CHRNA7: variants seen among roughly 807,000 people sequenced by gnomAD.
CHRNA7 encodes the protein neuronal acetylcholine receptor subunit alpha-7.
In CHRNA7, 17 loss-of-function variants were observed where a neutral mutation model predicts 48.0. The observed-to-expected ratio is 0.35, with a 90% CI of 0.24 to 0.53. The LOEUF (loss-of-function observed/expected upper bound fraction) is 0.53. Ranked by LOEUF, CHRNA7 falls within the 20% of genes least tolerant of loss-of-function variation. The pLI is 0.92. For synonymous variants in CHRNA7, 75 were observed against 242.3 expected (o/e 0.31, Z 6.41); for missense variants, 155 against 577.7 (o/e 0.27, Z 7.50).
At chr15:32,076,857 A>G (rs1207367347) in intron 2 of CHRNA7, among the ~76,000 whole-genome samples, 1 of 152,176 alleles carries the variant, frequency 6.6e-6, no homozygotes, top group African/African-American at 2.4e-5. Flanking sequence ...TAAATGTATA[A>G]TGACCTGTAT....
At chr15:32,109,346 G>A (rs758119678) in intron 3 of CHRNA7, among the ~76,000 whole-genome samples, 7 of 152,152 alleles carry the variant, frequency 4.6e-5, no homozygotes, top group Admixed American at 1.3e-4. Context: ...GGATTCAGCC[G>A]GCTTCTTTAC....
chr15:32,041,539 G>A (rs1317752583), intron 2 of CHRNA7, among the ~76,000 whole-genome samples: 1 of 152,246 alleles, frequency 6.6e-6, no homozygotes. Context: ...CTGGTGTGTG[G>A]CCCAGTTCCT....
intron 4 of CHRNA7, among the ~76,000 whole-genome samples, chr15:32,123,995 A>T (rs1348045294): frequency 2.6e-5 from 4 of 151,866 alleles, no homozygotes; most frequent in African/African-American, 9.7e-5. Flanking sequence ...GCCTACAAAA[A>T]ACCAGAAAAC....
intron 2 of CHRNA7, among the ~76,000 whole-genome samples, chr15:32,076,978 G>A (rs1056540508): frequency 6.6e-6 from 1 of 152,028 alleles, no homozygotes. Context: ...TCTTTTTATA[G>A]TATCTATAAT....
At chr15:32,033,810 ATAG>A (rs1361560994) in intron 2 of CHRNA7, among the ~76,000 whole-genome samples, 1 of 152,220 alleles carries the variant, frequency 6.6e-6, no homozygotes, top group Non-Finnish European at 1.5e-5. Context: ...TCTAGAGACC[ATAG>A]TAGTTGGTTT....
chr15:32,079,717 T>C (rs532582056), intron 2 of CHRNA7, among the ~76,000 whole-genome samples: 1 of 152,006 alleles, frequency 6.6e-6, no homozygotes, highest in Non-Finnish European at 1.5e-5. Flanking sequence ...ATGGCCATAC[T>C]GCCCAAAGTA....
chr15:32,041,733 C>T (rs538405645), intron 2 of CHRNA7, among the ~76,000 whole-genome samples: 1 of 152,204 alleles, frequency 6.6e-6, no homozygotes, highest in Non-Finnish European at 1.5e-5. Flanking sequence ...TTCAAAATTT[C>T]GATTGATATT....
intron 2 of CHRNA7, among the ~76,000 whole-genome samples, chr15:32,032,074 C>T (rs868437): frequency 0.57 from 87,221 of 152,124 alleles, 28,662 homozygotes; most frequent in Non-Finnish European, 0.73. Context: ...AACAGTTACC[C>T]GCACTATCAT....
chr15:32,077,265 A>G (rs74920484), intron 2 of CHRNA7, among the ~76,000 whole-genome samples: 2,976 of 152,242 alleles, frequency 0.02, 94 homozygotes, highest in African/African-American at 0.068. Context: ...ACATCTGTGT[A>G]TAGGTATTGT....
chr15:32,151,609 T>C (rs191108513), intron 4 of CHRNA7, among the ~76,000 whole-genome samples: 170 of 152,342 alleles, frequency 1.1e-3, no homozygotes, highest in African/African-American at 3.8e-3. Context: ...TCTTTCTGTG[T>C]TACGTTTGAT....
chr15:32,089,036 G>A (rs2050342810), intron 2 of CHRNA7, among the ~76,000 whole-genome samples: 1 of 152,020 alleles, frequency 6.6e-6, no homozygotes, highest in African/African-American at 2.4e-5. Context: ...TTTTCTTCTA[G>A]TATTAGAATT....
intron 4 of CHRNA7, among the ~76,000 whole-genome samples, chr15:32,142,082 G>T (rs2051390974): frequency 6.6e-6 from 1 of 152,138 alleles, no homozygotes; most frequent in Non-Finnish European, 1.5e-5. Context: ...TTATTATTTT[G>T]AGATACGTTC....
At chr15:32,146,961 T>C (rs902981243) in intron 4 of CHRNA7, among the ~76,000 whole-genome samples, 1 of 152,190 alleles carries the variant, frequency 6.6e-6, no homozygotes, top group African/African-American at 2.4e-5. Context: ...ACTTTCATAA[T>C]GCTGTAAGGA....
In CHRNA7 at chr15:32,030,519, C is replaced by G. The variant is rs1354279973; in HGVS notation, c.-76C>G. On this transcript the variant is annotated 5_prime_UTR_variant, in exon 1 of 10. Transcript: ENST00000306901. The stretch of plus-strand genomic sequence containing the variant: ...GCGCGAGCCGAGCGGCGAGGTGCCT[C>G]TGTGGCCGCAGGCGCAGGCCCGGGC... 4 of 1,335,138 alleles carry G rather than the reference C, an allele frequency of 3.0e-6. No individual in the cohort carries two copies. In the Admixed American group the frequency reaches 1.2e-4, roughly 38 times the overall value. The allele number at this position is 1,335,138 out of a possible 1,614,324, so 82.7% of individuals were successfully genotyped here.
At chr15:32,151,166 A>C (rs1475421024) in intron 4 of CHRNA7, among the ~76,000 whole-genome samples, 2 of 152,084 alleles carry the variant, frequency 1.3e-5, no homozygotes, top group African/African-American at 4.8e-5. Flanking sequence ...AGAATGTTTA[A>C]AACTGTGTCC....
At chr15:32,129,818 G>T (rs765461491) in intron 4 of CHRNA7, among the ~76,000 whole-genome samples, 1 of 151,412 alleles carries the variant, frequency 6.6e-6, no homozygotes, top group South Asian at 2.1e-4. Flanking sequence ...ATATAGACTT[G>T]AATCTTTTTC....
Position 32,081,634 on chromosome 15 carries a change from A to G in CHRNA7, c.196-19669A>G, listed in dbSNP as rs532528682. On this transcript the variant is annotated intron_variant, in intron 2 of 9. Coordinates refer to ENST00000306901, the MANE Select transcript of CHRNA7 (RefSeq NM_000746.6). ...GTTATTTTACCAGTTTGCATGCAGCATAGAAACTTTACCTCCCTTTATCCT... is the reference window on the plus strand; with the variant it reads ...GTTATTTTACCAGTTTGCATGCAGCGTAGAAACTTTACCTCCCTTTATCCT... 2.6e-5 allele frequency among the ~76,000 whole-genome samples: 4 copies of G among 152,168 alleles called. No homozygotes were observed. The South Asian group carries it at 6.2e-4, about 24-fold the overall frequency.
At chr15:32,109,994 G>A (rs1279696871) in intron 3 of CHRNA7, among the ~76,000 whole-genome samples, 1 of 152,194 alleles carries the variant, frequency 6.6e-6, no homozygotes, top group Non-Finnish European at 1.5e-5. Flanking sequence ...CATTCAGCAG[G>A]CAGAGGAGAA....
intron 2 of CHRNA7, among the ~76,000 whole-genome samples, chr15:32,077,423 G>A (rs2050151854): frequency 2.6e-5 from 4 of 152,168 alleles, no homozygotes; most frequent in African/African-American, 9.7e-5. Flanking sequence ...AGCAATAAAT[G>A]AGAATTCCTG....
Sources: gnomAD v4.1 joint callset for allele counts (sites outside exome capture counted in the v4.1 genomes callset) on GRCh38, gnomAD v4.1.1 for gene constraint, MANE v1.5 for transcripts, NCBI Gene and HGNC (gene_info 2026-07-23, HGNC 2026-07-21) for gene names.